Variants in TNFRSF10D observed in about 807,000 individuals in gnomAD.
TNFRSF10D encodes the protein TNF receptor superfamily member 10d.
TNFRSF10D carries 28 observed loss-of-function variants against 42.1 expected under a neutral mutation model. The observed-to-expected ratio is 0.66, with a 90% CI of 0.49 to 0.91. The LOEUF (loss-of-function observed/expected upper bound fraction) is 0.91. TNFRSF10D is among the 40% of genes least tolerant of loss of function. TNFRSF10D has a pLI of 0.00. For synonymous variants in TNFRSF10D, 186 were observed against 189.4 expected (o/e 0.98, Z 0.15); for missense variants, 503 against 486.1 (o/e 1.03, Z -0.33).
intron 7 of TNFRSF10D, among the ~76,000 whole-genome samples, chr8:23,141,641 A>G (rs1288561566): frequency 4.6e-5 from 7 of 152,330 alleles, no homozygotes; most frequent in African/African-American, 1.7e-4. Flanking sequence ...AAACAACCCC[A>G]TTAAAAATGG....
chr8:23,153,189 C>T (rs1800231044), intron 2 of TNFRSF10D, among the ~76,000 whole-genome samples: 1 of 152,086 alleles, frequency 6.6e-6, no homozygotes, highest in Non-Finnish European at 1.5e-5. Flanking sequence ...TGAAATAAGA[C>T]CCTTATCTCA....
intron 7 of TNFRSF10D, among the ~76,000 whole-genome samples, chr8:23,141,302 C>T (rs1325361832): frequency 3.3e-5 from 5 of 152,138 alleles, no homozygotes; most frequent in African/African-American, 1.2e-4. Context: ...GTTAGGAGTT[C>T]GAGACCAGCC....
At chr8:23,147,121 G>A (rs1800131805) in intron 3 of TNFRSF10D, 49 bp from the exon 4 acceptor site, 3 of 1,502,046 alleles carry the variant, frequency 2.0e-6, no homozygotes, top group Non-Finnish European at 2.8e-6. Context: ...TGACATGTCT[G>A]TCCACCCTTC....
At position 23,144,776 on chromosome 8, in the gene TNFRSF10D, A is replaced by C. The variant is rs188767173; in HGVS notation, c.769-141T>G. 2,235 of 1,095,658 alleles carry C rather than the reference A, an allele frequency of 2.0e-3. 10 individuals carry two copies. The African/African-American group carries it at 0.032, about 16-fold the overall frequency. 67.9% of individuals were successfully genotyped at this position (1,095,658 alleles called of 1,614,324 possible). On this transcript the variant is annotated intron_variant, in intron 6 of 8. Transcript: ENST00000312584. ...TGAGGCTCAGCACATCCAGGACCCCATGCTGAGGTGGGTCAGGTGGTCACC... is the reference window on the plus strand; with the variant it reads ...TGAGGCTCAGCACATCCAGGACCCCCTGCTGAGGTGGGTCAGGTGGTCACC...
intron 4 of TNFRSF10D, 88 bp downstream of exon 4, chr8:23,146,873 T>TGGGGTCAGCGGA: frequency 2.6e-6 from 3 of 1,157,582 alleles, no homozygotes; most frequent in Admixed American, 3.5e-5. Flanking sequence ...GGAGGATCCA[T>TGGGGTCAGCGGA]GGGGTCAGCG....
intron 1 of TNFRSF10D, among the ~76,000 whole-genome samples, chr8:23,160,114 C>A (rs1434056417): frequency 2.0e-5 from 3 of 152,094 alleles, no homozygotes; most frequent in Non-Finnish European, 4.4e-5. Flanking sequence ...CATGCTACCT[C>A]CTATTAGTTA....
At chr8:23,148,064 CCCAAAAAAA>C (rs1256492417) in intron 3 of TNFRSF10D, among the ~76,000 whole-genome samples, 2 of 49,214 alleles carry the variant, frequency 4.1e-5, no homozygotes, top group African/African-American at 1.0e-4. Flanking sequence ...GACTCCGTCT[CCCAAAAAAA>C]AAAAAAAAAA....
intron 4 of TNFRSF10D, among the ~76,000 whole-genome samples, 183 bp downstream of exon 4, chr8:23,146,778 G>A (rs1585260251): frequency 6.6e-6 from 1 of 152,236 alleles, no homozygotes; most frequent in East Asian, 1.9e-4. Context: ...CTGCTGCAGG[G>A]GGTAGGGGTG....
At position 23,154,788 on chromosome 8, in the gene TNFRSF10D, T is replaced by G. The variant is rs1360416124; in HGVS notation, c.256+86A>C. On this transcript the variant is annotated intron_variant, in intron 2 of 8. Transcript: ENST00000312584. ...AGCCATTTCACAATGCGTGCATATT[T>G]CCAAACATCATGGTGTACACCATGA... 2.2e-6 allele frequency: 3 copies of G among 1,393,852 alleles called. No individual in the cohort carries two copies. In the Admixed American group the frequency reaches 6.0e-5, roughly 28 times the overall value. The allele number at this position is 1,393,852 out of a possible 1,614,324, so 86.3% of individuals were successfully genotyped here.
chr8:23,138,532 A>G (rs1415256174), intron 7 of TNFRSF10D, among the ~76,000 whole-genome samples: 1 of 152,194 alleles, frequency 6.6e-6, no homozygotes, highest in Non-Finnish European at 1.5e-5. Context: ...CAAGACATAG[A>G]AACTGCCACA....
At chr8:23,159,009 A>G (rs1800322013) in intron 1 of TNFRSF10D, among the ~76,000 whole-genome samples, 1 of 152,032 alleles carries the variant, frequency 6.6e-6, no homozygotes, top group Non-Finnish European at 1.5e-5. Context: ...GCTTTTTATC[A>G]CAATAGATTA....
At chr8:23,138,076 T>C (rs1814370460) in intron 8 of TNFRSF10D, 73 bp from the exon 9 acceptor site, 1 of 1,608,228 alleles carries the variant, frequency 6.2e-7, no homozygotes, top group Non-Finnish European at 8.5e-7. Flanking sequence ...TGGGGCCCCC[T>C]GCTTCCAGCA....
rs200162911 is a variant in TNFRSF10D at position 23,138,137 on chromosome 8, C to T, written c.1027+51G>A. ...AGCTATAGGGACAGCAGTTAGGACA[C>T]CGTCCCTATTCCCTGTCCTCCTGCT... On this transcript the variant is annotated intron_variant, in intron 8 of 8. Coordinates refer to ENST00000312584, the MANE Select transcript of TNFRSF10D (RefSeq NM_003840.5). The T allele has an allele frequency of 1.7e-3, 2,662 of 1,612,458 alleles. No homozygotes were observed. In the African/African-American group the frequency reaches 0.019, roughly 12 times the overall value.
chr8:23,158,290 G>A (rs1449787089), intron 1 of TNFRSF10D, among the ~76,000 whole-genome samples: 5 of 152,128 alleles, frequency 3.3e-5, no homozygotes, highest in Admixed American at 2.0e-4. Context: ...GGACCCATAC[G>A]GATTCGCCGC....
chr8:23,156,659 G>A (rs1243044288), intron 1 of TNFRSF10D, among the ~76,000 whole-genome samples: 1 of 151,834 alleles, frequency 6.6e-6, no homozygotes, highest in Non-Finnish European at 1.5e-5. Flanking sequence ...CTGCCTCCCG[G>A]GCTCAAGTGG....
At chr8:23,163,481 G>A (rs908734353) in intron 1 of TNFRSF10D, among the ~76,000 whole-genome samples, 15 of 152,142 alleles carry the variant, frequency 9.9e-5, no homozygotes, top group African/African-American at 3.1e-4. Context: ...GGTTCACTCC[G>A]GGGTTTCCAT....
intron 1 of TNFRSF10D, among the ~76,000 whole-genome samples, chr8:23,158,536 A>G (rs929838340): frequency 8.5e-5 from 13 of 152,252 alleles, no homozygotes; most frequent in African/African-American, 3.1e-4. Context: ...ATTGAACTGT[A>G]GTGCTCAGTG....
intron 2 of TNFRSF10D, among the ~76,000 whole-genome samples, chr8:23,149,051 G>A (rs373565530): frequency 7.0e-4 from 106 of 151,200 alleles, no homozygotes; most frequent in East Asian, 3.4e-3. Context: ...TTAGCCGGGC[G>A]TGGTGGCAGG....
intron 7 of TNFRSF10D, among the ~76,000 whole-genome samples, chr8:23,138,848 A>T (rs188394874): frequency 1.3e-5 from 2 of 152,336 alleles, no homozygotes; most frequent in Admixed American, 1.3e-4. Context: ...TGTGTTCTTG[A>T]TGATGAGAAT....
Sources: allele counts gnomAD v4.1 joint callset (sites outside exome capture counted in the v4.1 genomes callset), GRCh38; gene constraint gnomAD v4.1.1; transcripts MANE v1.5; gene names NCBI Gene and HGNC (gene_info 2026-07-23, HGNC 2026-07-21).